PTPRD: variants seen among roughly 807,000 people sequenced by gnomAD.
PTPRD encodes the protein protein tyrosine phosphatase receptor type D.
Under a neutral mutation model 214.5 loss-of-function variants are expected in PTPRD, and 34 were observed. That is an observed-to-expected ratio of 0.16 (90% confidence interval 0.12 to 0.21). PTPRD has a LOEUF of 0.21. Among genes scored for constraint, PTPRD ranks in the 10% least tolerant of loss-of-function variants. The probability of loss-of-function intolerance (pLI) is 1.00; values close to 1 mark genes in which losing one functional copy is unlikely to be tolerated. For missense variants in PTPRD, 2,545 were observed against 2,398.7 expected, an observed-to-expected ratio of 1.06 and a Z score of -1.27; for synonymous variants, 1,128 against 845.7, an observed-to-expected ratio of 1.33 and a Z score of -5.79.
intron 3 of PTPRD, among the ~76,000 whole-genome samples, chr9:10,258,242 C>T (rs946117280): frequency 3.9e-5 from 6 of 152,040 alleles, no homozygotes; most frequent in Non-Finnish European, 5.9e-5. Flanking sequence ...TGATTCAGAA[C>T]TCAGGTTTGA....
At chr9:10,340,307 G>A (rs1303711272) in intron 3 of PTPRD, among the ~76,000 whole-genome samples, 1 of 151,842 alleles carries the variant, frequency 6.6e-6, no homozygotes, top group Non-Finnish European at 1.5e-5. Context: ...GGAGTCAATA[G>A]CAAAAGCATA....
rs755969944 is a variant in PTPRD at position 8,449,713 on chromosome 9, G to C, written c.3988+12C>G. 6.2e-7 allele frequency: 1 copy of C among 1,610,784 alleles called. No homozygotes were observed. The highest frequency in any genetic ancestry group is 8.5e-7 in the Non-Finnish European group (1 of 1,177,056). On this transcript the variant is annotated intron_variant, in intron 34 of 45. Transcript: ENST00000381196. ...AAGACTGTGTGTGGATTAGATGTGT[G>C]ATGCTTCTTACCCGGTGTTTGAAAG...
intron 6 of PTPRD, among the ~76,000 whole-genome samples, chr9:9,740,075 A>T (rs1360846049): frequency 1.3e-5 from 2 of 152,126 alleles, no homozygotes; most frequent in African/African-American, 2.4e-5. Context: ...ATGATTCAGC[A>T]TCTGGTCATT....
chr9:9,409,620 G>C (rs892964395), intron 8 of PTPRD, among the ~76,000 whole-genome samples: 6 of 151,916 alleles, frequency 3.9e-5, no homozygotes, highest in South Asian at 2.1e-4. Flanking sequence ...AATATAAAAA[G>C]TACAAGCCAC....
intron 10 of PTPRD, among the ~76,000 whole-genome samples, chr9:9,116,106 C>G (rs1021474296): frequency 2.0e-5 from 3 of 152,014 alleles, no homozygotes; most frequent in African/African-American, 7.2e-5. Context: ...CTATTGGGTA[C>G]TATGCTCACT....
chr9:9,273,684 T>A (rs1478751939), intron 9 of PTPRD, among the ~76,000 whole-genome samples: 2 of 151,354 alleles, frequency 1.3e-5, no homozygotes, highest in African/African-American at 2.4e-5. Flanking sequence ...AAAGTTTCCA[T>A]ATGACCCAGT....
intron 3 of PTPRD, among the ~76,000 whole-genome samples, chr9:10,317,457 GC>G (rs1214873350): frequency 4.0e-5 from 6 of 151,522 alleles, no homozygotes. Context: ...CTTATATGGA[GC>G]AAAAAAAGGA....
intron 12 of PTPRD, among the ~76,000 whole-genome samples, chr9:8,716,324 T>C (rs1234506325): frequency 6.6e-6 from 1 of 152,234 alleles, no homozygotes; most frequent in African/African-American, 2.4e-5. Context: ...GAAGTATCTA[T>C]GTAATTGTGG....
chr9:9,557,151 A>G (rs897731481), intron 8 of PTPRD, among the ~76,000 whole-genome samples: 3 of 152,178 alleles, frequency 2.0e-5, no homozygotes, highest in African/African-American at 4.8e-5. Context: ...AGCTCCCGCA[A>G]TTGACTTGTA....
At chr9:8,918,102 TCA>T (rs1555519005) in intron 11 of PTPRD, among the ~76,000 whole-genome samples, 2 of 152,176 alleles carry the variant, frequency 1.3e-5, no homozygotes, top group Non-Finnish European at 2.9e-5. Context: ...CAGTTGCTAA[TCA>T]CACTCACCTG....
intron 9 of PTPRD, among the ~76,000 whole-genome samples, chr9:9,345,561 G>A (rs115560623): frequency 6.6e-6 from 1 of 151,966 alleles, no homozygotes; most frequent in Non-Finnish European, 1.5e-5. Context: ...TGCTTTCTTA[G>A]AATCTATGAC....
At chr9:8,829,545 CTT>C in intron 11 of PTPRD, among the ~76,000 whole-genome samples, 1 of 152,226 alleles carries the variant, frequency 6.6e-6, no homozygotes, top group Non-Finnish European at 1.5e-5. Flanking sequence ...CTATGGAAAT[CTT>C]TATCATAACA....
At chr9:8,835,668 C>A (rs555638314) in intron 11 of PTPRD, among the ~76,000 whole-genome samples, 1 of 152,200 alleles carries the variant, frequency 6.6e-6, no homozygotes, top group South Asian at 2.1e-4. Flanking sequence ...TAGCTGGAAC[C>A]ACAGGTGTGT....
intron 3 of PTPRD, among the ~76,000 whole-genome samples, chr9:10,163,975 T>G (rs58326958): frequency 2.6e-5 from 4 of 151,460 alleles, no homozygotes; most frequent in Non-Finnish European, 4.4e-5. Flanking sequence ...GTAGTCTATA[T>G]GGCAATGAAC....
chr9:9,945,556 G>A (rs983779277), intron 4 of PTPRD, among the ~76,000 whole-genome samples: 10 of 152,132 alleles, frequency 6.6e-5, no homozygotes, highest in Admixed American at 6.6e-4. Context: ...TGTGTCCAAG[G>A]TGGCAGTTAA....
chr9:10,472,635 T>C (rs778380169), intron 2 of PTPRD, among the ~76,000 whole-genome samples: 4 of 152,122 alleles, frequency 2.6e-5, no homozygotes, highest in Non-Finnish European at 4.4e-5. Context: ...AATAACAACC[T>C]TCTTTTGAAT....
intron 12 of PTPRD, among the ~76,000 whole-genome samples, chr9:8,647,834 T>C (rs901154403): frequency 3.3e-5 from 5 of 152,086 alleles, no homozygotes; most frequent in African/African-American, 7.3e-5. Context: ...TCCAAAATAA[T>C]GAATTGCAAA....
At chr9:10,581,312 G>T (rs1300863592) in intron 2 of PTPRD, among the ~76,000 whole-genome samples, 1 of 152,044 alleles carries the variant, frequency 6.6e-6, no homozygotes, top group Non-Finnish European at 1.5e-5. Flanking sequence ...AAATTCTAAA[G>T]AAATATATAA....
chr9:8,646,591 A>C (rs1279265708), intron 12 of PTPRD, among the ~76,000 whole-genome samples: 1 of 152,128 alleles, frequency 6.6e-6, no homozygotes, highest in African/African-American at 2.4e-5. Flanking sequence ...CACATTTTTC[A>C]ATTCTAAATT....
Sources: allele counts gnomAD v4.1 joint callset (sites outside exome capture counted in the v4.1 genomes callset), GRCh38; gene constraint gnomAD v4.1.1; transcripts MANE v1.5; gene names NCBI Gene and HGNC (gene_info 2026-07-23, HGNC 2026-07-21).